The following PLD5 variants were observed in gnomAD, a reference collection of about 807,000 sequenced individuals.
The protein encoded by PLD5 is phospholipase D family member 5.
Under a neutral mutation model 61.1 loss-of-function variants are expected in PLD5, and 36 were observed. The ratio of observed to expected loss-of-function variants is 0.59; its 90% CI spans 0.45 to 0.78. The LOEUF (loss-of-function observed/expected upper bound fraction) is 0.78. Among genes scored for constraint, PLD5 ranks in the 30% least tolerant of loss-of-function variants. The probability of loss-of-function intolerance (pLI) is 0.00; values close to 1 mark genes in which losing one functional copy is unlikely to be tolerated. For missense variants in PLD5, 515 were observed against 644.4 expected, an observed-to-expected ratio of 0.80 and a Z score of 2.17; for synonymous variants, 243 against 242.8, an observed-to-expected ratio of 1.00 and a Z score of -0.01.
intron 1 of PLD5, among the ~76,000 whole-genome samples, chr1:242,433,491 CT>C (rs1202138937): frequency 6.6e-6 from 1 of 152,130 alleles, no homozygotes; most frequent in African/African-American, 2.4e-5. Context: ...ATTTTTTCCA[CT>C]TAATATATTG....
chr1:242,377,204 A>G, intron 1 of PLD5: 5 of 1,611,534 alleles, frequency 3.1e-6, no homozygotes, highest in Non-Finnish European at 3.4e-6. Flanking sequence ...AGCAGAGGCC[A>G]CACTCCCGGC....
intron 8 of PLD5, among the ~76,000 whole-genome samples, chr1:242,102,795 G>A (rs1253338495): frequency 6.6e-6 from 1 of 152,096 alleles, no homozygotes; most frequent in Admixed American, 6.5e-5. Flanking sequence ...GCTTAGAAGT[G>A]TATGGCCTCT....
At chr1:242,251,361 C>T (rs6682604) in intron 4 of PLD5, among the ~76,000 whole-genome samples, 91,148 of 151,938 alleles carry the variant, frequency 0.6, 27,506 homozygotes, top group East Asian at 0.74. Context: ...ACTGAGAAAG[C>T]GTGGCCAGAG....
intron 5 of PLD5, among the ~76,000 whole-genome samples, chr1:242,132,935 C>A (rs539470101): frequency 2.6e-5 from 4 of 151,968 alleles, no homozygotes; most frequent in Admixed American, 1.3e-4. Flanking sequence ...TGATTTGAAT[C>A]AAAAGGAAAA....
At chr1:242,482,659 C>A (rs552608539) in intron 1 of PLD5, among the ~76,000 whole-genome samples, 121 of 152,212 alleles carry the variant, frequency 7.9e-4, no homozygotes, top group African/African-American at 2.8e-3. Context: ...GGAGAACTTC[C>A]CCAACCTAGC....
At chr1:242,379,758 G>A (rs930190265) in intron 1 of PLD5, among the ~76,000 whole-genome samples, 5 of 152,162 alleles carry the variant, frequency 3.3e-5, no homozygotes, top group African/African-American at 9.7e-5. Context: ...AGTTCAGGGA[G>A]AGTATACGTC....
Position 242,110,805 on chromosome 1 carries a change from G to GTC in PLD5, c.1071-2968_1071-2967dup, listed in dbSNP as rs555837584. 9.2e-4 allele frequency among the ~76,000 whole-genome samples: 135 copies of GTC among 146,818 alleles called. 1 individual carries two copies. The East Asian group carries it at 0.019, about 21-fold the overall frequency. On this transcript the variant is annotated intron_variant, in intron 7 of 9. Transcript: ENST00000536534. ...GCCTGGGCGACAAGAGCAAAACTCT[G>GTC]TCTCACACACACACACACACACACC... is the stretch of plus-strand genomic sequence containing the variant.
At chr1:242,169,275 G>A (rs1666563851) in intron 5 of PLD5, among the ~76,000 whole-genome samples, 1 of 152,148 alleles carries the variant, frequency 6.6e-6, no homozygotes, top group African/African-American at 2.4e-5. Context: ...GACAGTGAGT[G>A]CAGCCCATGG....
intron 7 of PLD5, among the ~76,000 whole-genome samples, chr1:242,108,240 C>G (rs1242197511): frequency 6.6e-6 from 1 of 151,550 alleles, no homozygotes; most frequent in African/African-American, 2.4e-5. Context: ...ACTAAAACCT[C>G]TCTTTGGTGA....
intron 1 of PLD5, among the ~76,000 whole-genome samples, chr1:242,409,281 A>C (rs903778024): frequency 4.6e-5 from 7 of 152,156 alleles, no homozygotes; most frequent in African/African-American, 1.4e-4. Context: ...ACTTTGAAGG[A>C]ATATAAATCC....
intron 1 of PLD5, among the ~76,000 whole-genome samples, chr1:242,395,075 A>ATATGTATATATGAATG (rs1558528403): frequency 3.4e-5 from 4 of 116,346 alleles, no homozygotes; most frequent in African/African-American, 1.3e-4. Flanking sequence ...ATATATGAAT[A>ATATGTATATATGAATG]TATATGTATA....
At chr1:242,419,635 A>C (rs1204321110) in intron 1 of PLD5, among the ~76,000 whole-genome samples, 1 of 135,188 alleles carries the variant, frequency 7.4e-6, no homozygotes, top group Non-Finnish European at 1.5e-5. Context: ...GATTGGTCTC[A>C]AACTCCTGAT....
intron 1 of PLD5, among the ~76,000 whole-genome samples, chr1:242,407,864 A>G (rs1212681406): frequency 6.6e-6 from 1 of 152,118 alleles, no homozygotes; most frequent in African/African-American, 2.4e-5. Flanking sequence ...GGTGTGAGCC[A>G]CTGAGCCCAG....
Position 242,083,147 on chromosome 1 carries a change from C to T in PLD5, c.*6707G>A, listed in dbSNP as rs895995623. On this transcript the variant is annotated 3_prime_UTR_variant, in exon 10 of 10. Transcript: ENST00000536534. ...TCAACAAGACCTCAAATTGTCTTGA[C>T]TGCAGAAGTAACTGCTGTCACTGTT... 1 of 152,176 alleles carries T rather than the reference C, an allele frequency of 6.6e-6. No homozygotes were observed. Among genetic ancestry groups the T allele is most frequent in the Non-Finnish European group, 1.5e-5 (1 of 68,042 alleles). The allele number at this position is 152,176 out of a possible 1,614,324, so 9.4% of individuals were successfully genotyped here. A position where few individuals can be genotyped will look rare whatever the true frequency, so the allele number is the denominator to read the frequency against.
intron 2 of PLD5, among the ~76,000 whole-genome samples, chr1:242,313,192 G>A (rs1293068506): frequency 3.9e-5 from 6 of 152,148 alleles, no homozygotes; most frequent in African/African-American, 7.2e-5. Flanking sequence ...TCTTATCTCC[G>A]TCAGGAGTCT....
At chr1:242,399,485 T>C (rs188512105) in intron 1 of PLD5, among the ~76,000 whole-genome samples, 1 of 152,316 alleles carries the variant, frequency 6.6e-6, no homozygotes, top group Admixed American at 6.5e-5. Flanking sequence ...TAAGCAAGCG[T>C]ATTCATTCTT....
chr1:242,363,198 A>G (rs1661164205), intron 1 of PLD5, among the ~76,000 whole-genome samples: 1 of 152,014 alleles, frequency 6.6e-6, no homozygotes. Flanking sequence ...GCCAACCCAC[A>G]CACAAGGCCA....
At chr1:242,215,422 A>C (rs534253514) in intron 5 of PLD5, among the ~76,000 whole-genome samples, 1 of 152,286 alleles carries the variant, frequency 6.6e-6, no homozygotes, top group South Asian at 2.1e-4. Flanking sequence ...AAGACCCGGC[A>C]ACACTATTGG....
Position 242,089,796 on chromosome 1 carries a change from C to A in PLD5, c.*58G>T, listed in dbSNP as rs975433949. 2 of 1,596,556 alleles carry A rather than the reference C, an allele frequency of 1.3e-6. No individual in the cohort carries two copies. The highest frequency in any genetic ancestry group is 2.7e-5 in the African/African-American group (2 of 74,236). On this transcript the variant is annotated 3_prime_UTR_variant, in exon 10 of 10. Transcript: ENST00000536534. The stretch of plus-strand genomic sequence containing the variant: ...CATATTAAAGTGTTTTTTCTCTCCT[C>A]AAGTCCTTTATGTATAAATATGAAA...
Sources: gnomAD v4.1 joint callset for allele counts (sites outside exome capture counted in the v4.1 genomes callset) on GRCh38, gnomAD v4.1.1 for gene constraint, MANE v1.5 for transcripts, NCBI Gene and HGNC (gene_info 2026-07-23, HGNC 2026-07-21) for gene names.